The following RIPOR2 variants were observed in gnomAD, a reference collection of about 807,000 sequenced individuals.
RIPOR2 encodes rho family-interacting cell polarization regulator 2.
RIPOR2 carries 39 observed loss-of-function variants against 114.5 expected under a neutral mutation model. The ratio of observed to expected loss-of-function variants is 0.34; its 90% CI spans 0.26 to 0.44. The LOEUF (loss-of-function observed/expected upper bound fraction) is 0.44. RIPOR2 is among the 20% of genes least tolerant of loss of function. The pLI is 1.00. For synonymous variants in RIPOR2, 445 were observed against 484.4 expected (o/e 0.92, Z 1.07); for missense variants, 1,007 against 1,255.1 (o/e 0.80, Z 2.99).
intron 1 of RIPOR2, among the ~76,000 whole-genome samples, chr6:25,008,945 T>C (rs1222877040): frequency 1.3e-5 from 2 of 152,192 alleles, no homozygotes; most frequent in Non-Finnish European, 2.9e-5. Flanking sequence ...CAGGGAGAGG[T>C]CAATAGCTTG....
chr6:24,947,261 C>T (rs75810161), intron 1 of RIPOR2, among the ~76,000 whole-genome samples: 3 of 152,120 alleles, frequency 2.0e-5, no homozygotes, highest in Non-Finnish European at 4.4e-5. Context: ...CCTCAACTCT[C>T]CGTCTCGGGT....
intron 15 of RIPOR2, 76 bp from the exon 16 acceptor site, chr6:24,832,467 C>T: frequency 7.5e-7 from 1 of 1,331,840 alleles, no homozygotes; most frequent in South Asian, 1.3e-5. Flanking sequence ...CTCATCCTTC[C>T]TGAATGTGGT....
chr6:24,894,370 A>G (rs1160131790), intron 1 of RIPOR2, among the ~76,000 whole-genome samples: 1 of 152,224 alleles, frequency 6.6e-6, no homozygotes, highest in Non-Finnish European at 1.5e-5. Flanking sequence ...ACTGACCTGT[A>G]GGCAACTGTT....
At chr6:24,879,702 G>C (rs899059511) in intron 1 of RIPOR2, among the ~76,000 whole-genome samples, 2 of 152,156 alleles carry the variant, frequency 1.3e-5, no homozygotes, top group African/African-American at 4.8e-5. Flanking sequence ...TCTGATGGAG[G>C]GGTGGTAGTT....
At chr6:25,005,787 T>C (rs1775540335) in intron 1 of RIPOR2, among the ~76,000 whole-genome samples, 1 of 142,040 alleles carries the variant, frequency 7.0e-6, no homozygotes, top group Admixed American at 7.3e-5. Context: ...CACCTTCTTC[T>C]CCTGTTTAAC....
At chr6:25,005,736 T>TACACACAC (rs1473062786) in intron 1 of RIPOR2, among the ~76,000 whole-genome samples, 4 of 100,252 alleles carry the variant, frequency 4.0e-5, no homozygotes, top group Admixed American at 2.0e-4. Flanking sequence ...TATATATATA[T>TACACACAC]ATATACATTT....
At chr6:24,965,687 A>AT (rs931910042) in intron 1 of RIPOR2, among the ~76,000 whole-genome samples, 13 of 152,328 alleles carry the variant, frequency 8.5e-5, no homozygotes, top group East Asian at 7.7e-4. Flanking sequence ...CAGATCAATG[A>AT]TTTTTTTAAA....
Position 24,935,875 on chromosome 6 carries a change from C to T in RIPOR2, c.24G>A (p.Glu8=). The change falls in exon 1 of 22, where the codon GAG becomes GAA. Residue 8 remains glutamate (E), a synonymous_variant. Transcript: ENST00000643898. ...CATCATCCTCTTCATCGACCAGGAG[C>T]TCCTCAGCATCAAAAAACTGCATCT... MQFFDAE[E]LLVDEEDDVF... is the part of the protein sequence containing the mutation. 1 of 1,535,464 alleles carries T rather than the reference C, an allele frequency of 6.5e-7. No homozygotes were observed. The highest frequency in any genetic ancestry group is 8.7e-7 in the Non-Finnish European group (1 of 1,146,740).
chr6:24,851,331 A>G (rs1479952581), intron 9 of RIPOR2, among the ~76,000 whole-genome samples: 1 of 152,190 alleles, frequency 6.6e-6, no homozygotes, highest in Non-Finnish European at 1.5e-5. Flanking sequence ...TTCTACTTCA[A>G]TAGAGCAGCC....
intron 1 of RIPOR2, among the ~76,000 whole-genome samples, chr6:25,025,327 T>TG (rs1776556051): frequency 6.6e-6 from 1 of 152,180 alleles, no homozygotes; most frequent in Non-Finnish European, 1.5e-5. Flanking sequence ...GTGTCTGTGG[T>TG]GTTACGGTTT....
intron 1 of RIPOR2, among the ~76,000 whole-genome samples, chr6:24,916,841 G>C (rs758993326): frequency 6.6e-6 from 1 of 152,110 alleles, no homozygotes; most frequent in South Asian, 2.1e-4. Flanking sequence ...TGAATGTCCC[G>C]GAGGTTCAGA....
intron 21 of RIPOR2, among the ~76,000 whole-genome samples, chr6:24,809,158 A>G (rs1780970315): frequency 6.6e-6 from 1 of 152,228 alleles, no homozygotes; most frequent in African/African-American, 2.4e-5. Context: ...ATGAACCTTC[A>G]TAAAATAAAG....
chr6:24,828,542 G>A (rs964294536), intron 17 of RIPOR2, among the ~76,000 whole-genome samples: 1 of 152,096 alleles, frequency 6.6e-6, no homozygotes, highest in African/African-American at 2.4e-5. Context: ...TGAAGATAGA[G>A]TGAAGTAGTA....
At chr6:24,906,307 C>G (rs974007773) in intron 1 of RIPOR2, among the ~76,000 whole-genome samples, 3 of 152,166 alleles carry the variant, frequency 2.0e-5, no homozygotes, top group African/African-American at 7.2e-5. Context: ...ACCCTCTGTG[C>G]CTTCAGGGAG....
chr6:24,843,459 G>T lies in RIPOR2; in HGVS notation c.1260C>A (p.Cys420Ter). Residue 420 changes from cysteine to a stop codon, truncating the protein, a stop_gained, in exon 13 of 22, where the codon TGC (cysteine) becomes TGA (stop). Coordinates refer to ENST00000643898, the MANE Select transcript of RIPOR2 (RefSeq NM_001286445.3). LOFTEE classifies it high-confidence loss of function. ...LSFSDLPNGD[C>*]ALTSHSTGSP... ...AGCCTGTTGAGTGGGAGGTGAGGGC[G>T]CAGTCCCCGTTGGGCAGGTCACTGA... 1 of 1,609,282 alleles carries T rather than the reference G, an allele frequency of 6.2e-7. No individual in the cohort carries two copies. The highest frequency in any genetic ancestry group is 8.5e-7 in the Non-Finnish European group (1 of 1,176,370).
intron 1 of RIPOR2, among the ~76,000 whole-genome samples, chr6:24,970,344 G>A (rs1026624244): frequency 5.9e-5 from 9 of 152,156 alleles, no homozygotes; most frequent in African/African-American, 1.4e-4. Flanking sequence ...AGGCAGTAGA[G>A]GATTATTTAG....
intron 1 of RIPOR2, among the ~76,000 whole-genome samples, chr6:25,005,694 GATATATATATATATATATATATATAT>G (rs34057286): frequency 0.034 from 1,545 of 45,390 alleles, 149 homozygotes; most frequent in East Asian, 0.16. Flanking sequence ...TCCCTATGGA[GATATATATATATATATATATATATAT>G]ATATATATAT....
chr6:24,853,401 T>C (rs2113793663), intron 8 of RIPOR2, among the ~76,000 whole-genome samples: 1 of 152,350 alleles, frequency 6.6e-6, no homozygotes. Flanking sequence ...GTCCAGTCTT[T>C]TTCTTTCTTT....
intron 1 of RIPOR2, among the ~76,000 whole-genome samples, chr6:24,884,369 A>G (rs965899074): frequency 2.0e-5 from 3 of 152,240 alleles, no homozygotes; most frequent in Non-Finnish European, 4.4e-5. Context: ...AGATCGTGCC[A>G]CTGCACTCCA....
Sources: allele counts gnomAD v4.1 joint callset (sites outside exome capture counted in the v4.1 genomes callset), GRCh38; gene constraint gnomAD v4.1.1; transcripts MANE v1.5; gene names NCBI Gene and HGNC (gene_info 2026-07-23, HGNC 2026-07-21).